TNIK: variants seen among roughly 807,000 people sequenced by gnomAD.
TNIK encodes the protein TRAF2 and NCK-interacting protein kinase.
Under a neutral mutation model 191.3 loss-of-function variants are expected in TNIK, and 49 were observed. The ratio of observed to expected loss-of-function variants is 0.26; its 90% CI spans 0.20 to 0.32. TNIK has a LOEUF of 0.32. TNIK is among the 10% of genes least tolerant of loss of function. The pLI, the probability that TNIK is intolerant of heterozygous loss-of-function variation, is 1.00. For missense variants in TNIK, 1,155 were observed against 1,702.3 expected (o/e 0.68, Z 5.66); for synonymous variants, 594 against 600.9 (o/e 0.99, Z 0.17).
chr3:171,442,034 A>T lies in TNIK; in HGVS notation c.57+17973T>A, dbSNP rs7638247. 9.9e-3 allele frequency among the ~76,000 whole-genome samples: 1,503 copies of T among 152,316 alleles called. 31 individuals carry two copies. The highest frequency in any genetic ancestry group is 0.034 in the African/African-American group (1,395 of 41,560). The stretch of plus-strand genomic sequence containing the variant: ...ACTAAACAACCAAGTAAATATAATG[A>T]TCATAGAAATTTTAACCAGAATATT... On this transcript the variant is annotated intron_variant, in intron 1 of 32. Coordinates refer to ENST00000436636, the MANE Select transcript of TNIK (RefSeq NM_015028.4).
intron 2 of TNIK, among the ~76,000 whole-genome samples, chr3:171,345,441 T>A (rs1712005708): frequency 6.6e-6 from 1 of 152,148 alleles, no homozygotes; most frequent in Admixed American, 6.6e-5. Flanking sequence ...CGAGTTTTTT[T>A]TTTTTCTTTA....
At chr3:171,342,347 G>A (rs1261029097) in intron 2 of TNIK, among the ~76,000 whole-genome samples, 1 of 152,200 alleles carries the variant, frequency 6.6e-6, no homozygotes, top group Non-Finnish European at 1.5e-5. Flanking sequence ...AGATTAAATT[G>A]TGAAACAACC....
intron 2 of TNIK, among the ~76,000 whole-genome samples, chr3:171,309,364 A>T (rs4894792): frequency 0.031 from 4,644 of 152,218 alleles, 118 homozygotes; most frequent in Admixed American, 0.048. Context: ...GTACACCTGG[A>T]CACAAAGAAG....
chr3:171,128,887 CAAAAA>C lies in TNIK; in HGVS notation c.1609-14_1609-10del, dbSNP rs59293515. The C allele has an allele frequency of 9.3e-4, 1,150 of 1,241,186 alleles. No individual in the cohort carries two copies. Among genetic ancestry groups the C allele is most frequent in the South Asian group, 2.9e-3 (134 of 45,948 alleles). The allele number at this position is 1,241,186 out of a possible 1,614,324, so 76.9% of individuals were successfully genotyped here. A position where few individuals can be genotyped will look rare whatever the true frequency, so the allele number is the denominator to read the frequency against. On this transcript the variant is annotated splice_polypyrimidine_tract_variant and intron_variant, in intron 15 of 32. Coordinates refer to ENST00000436636, the MANE Select transcript of TNIK (RefSeq NM_015028.4). ...CTTGACCGTTCTTCTACCTACAACC[CAAAAA>C]AAAAAAAAAAAAAAAGACAGCCTCA...
intron 2 of TNIK, among the ~76,000 whole-genome samples, chr3:171,365,428 C>G (rs1245408588): frequency 1.3e-5 from 2 of 151,938 alleles, no homozygotes; most frequent in Non-Finnish European, 2.9e-5. Context: ...GTGATCTGCC[C>G]ACCTCAGCCT....
At chr3:171,188,525 T>C (rs1737645582) in intron 7 of TNIK, among the ~76,000 whole-genome samples, 177 bp downstream of exon 7, 2 of 152,332 alleles carry the variant, frequency 1.3e-5, no homozygotes. Context: ...TCAGATAAGA[T>C]GGGTGAATTC....
Position 171,061,283 on chromosome 3 carries a change from T to A in TNIK, c.*2598A>T, listed in dbSNP as rs904760970. 4 of 152,344 alleles carry A rather than the reference T, an allele frequency of 2.6e-5. No individual in the cohort carries two copies. Among genetic ancestry groups the A allele is most frequent in the African/African-American group, 9.6e-5 (4 of 41,588 alleles). The allele number at this position is 152,344 out of a possible 1,614,324, so 9.4% of individuals were successfully genotyped here. On this transcript the variant is annotated 3_prime_UTR_variant, in exon 33 of 33. Transcript: ENST00000436636. ...GATTTCTGGGGGGCCCATTTAAATTTGGATTTGCCTTGTACTCAGTGTAAA... is the reference window on the plus strand; with the variant it reads ...GATTTCTGGGGGGCCCATTTAAATTAGGATTTGCCTTGTACTCAGTGTAAA...
At chr3:171,448,098 T>C (rs1727725979) in intron 1 of TNIK, among the ~76,000 whole-genome samples, 1 of 152,162 alleles carries the variant, frequency 6.6e-6, no homozygotes, top group Non-Finnish European at 1.5e-5. Context: ...TGAAACAGGA[T>C]TCATTATGGG....
At chr3:171,207,094 T>C (rs1740188364) in intron 4 of TNIK, among the ~76,000 whole-genome samples, 1 of 151,996 alleles carries the variant, frequency 6.6e-6, no homozygotes, top group Non-Finnish European at 1.5e-5. Context: ...AACTATAAAA[T>C]AGCTATCATT....
intron 7 of TNIK, among the ~76,000 whole-genome samples, chr3:171,185,574 G>GC (rs1407972162): frequency 7.2e-5 from 11 of 152,166 alleles, no homozygotes; most frequent in African/African-American, 2.4e-4. Flanking sequence ...CCAGGGGAAA[G>GC]CCAGCACACC....
intron 2 of TNIK, among the ~76,000 whole-genome samples, chr3:171,316,954 ATAAAATATATAATTATATGATATATAT>A (rs1754683546): frequency 2.3e-5 from 2 of 85,770 alleles, no homozygotes; most frequent in African/African-American, 8.3e-5. Flanking sequence ...TATATATCAT[ATAAAATATATAATTATATGATATATAT>A]CATATAAAAT....
At chr3:171,324,827 G>A (rs1010624017) in intron 2 of TNIK, among the ~76,000 whole-genome samples, 6 of 152,096 alleles carry the variant, frequency 3.9e-5, no homozygotes, top group East Asian at 1.9e-4. Context: ...GGCCGGGCGC[G>A]GTGGCTCACG....
At chr3:171,354,316 GAGA>G (rs1198183123) in intron 2 of TNIK, among the ~76,000 whole-genome samples, 1 of 152,156 alleles carries the variant, frequency 6.6e-6, no homozygotes, top group African/African-American at 2.4e-5. Context: ...ACCAGCCACG[GAGA>G]AGTAGTTGAG....
At chr3:171,064,972 A>C (rs1560061714) in intron 32 of TNIK, among the ~76,000 whole-genome samples, 1 of 152,236 alleles carries the variant, frequency 6.6e-6, no homozygotes, top group Admixed American at 6.5e-5. Flanking sequence ...GGAGAAGGAC[A>C]GAGAGGGCCT....
intron 2 of TNIK, among the ~76,000 whole-genome samples, chr3:171,266,901 G>A (rs1748470522): frequency 1.3e-5 from 2 of 152,178 alleles, no homozygotes; most frequent in Non-Finnish European, 2.9e-5. Flanking sequence ...CTCAGAGTCT[G>A]TTCAGAACAG....
chr3:171,383,928 A>T (rs2108527026), intron 1 of TNIK, among the ~76,000 whole-genome samples: 1 of 152,160 alleles, frequency 6.6e-6, no homozygotes, highest in Admixed American at 6.5e-5. Context: ...TCCCCGGTCT[A>T]CTCTGCTCTC....
intron 1 of TNIK, among the ~76,000 whole-genome samples, chr3:171,438,180 A>G (rs1726259622): frequency 6.6e-6 from 1 of 152,222 alleles, no homozygotes; most frequent in Non-Finnish European, 1.5e-5. Context: ...GAGATAGAAG[A>G]GCAATGAGTA....
In TNIK at chr3:171,110,729, G is replaced by A. The variant is rs772569718; in HGVS notation, c.2269C>T (p.Arg757Cys). Residue 757 changes from arginine to cysteine, a missense_variant, in exon 19 of 33, where the codon CGC becomes TGC. Around this residue, in one of 3 missense-constraint regions of TNIK, gnomAD observed 735 missense variants for 848.0 expected, o/e 0.87. Coordinates refer to ENST00000436636, the MANE Select transcript of TNIK (RefSeq NM_015028.4). ...AAAGTTTTACCTCGAACTCTGGTGC[G>A]TTCACTGGATCCTGCTTGTGATCCA... ...QPGSQAGSSE[R>C]TRVRANSKSE... is the part of the protein sequence containing the mutation. The A allele has an allele frequency of 3.1e-6, 5 of 1,596,974 alleles. No individual in the cohort carries two copies. Among genetic ancestry groups the A allele is most frequent in the East Asian group, 2.3e-5 (1 of 44,330 alleles).
intron 2 of TNIK, among the ~76,000 whole-genome samples, chr3:171,339,645 G>A (rs75008978): frequency 0.027 from 4,143 of 152,282 alleles, 200 homozygotes; most frequent in African/African-American, 0.094. Context: ...GCTGGCTGAT[G>A]GCCAGGCTGC....
Sources: gnomAD v4.1 joint callset for allele counts (sites outside exome capture counted in the v4.1 genomes callset) on GRCh38, gnomAD v4.1.1 for gene constraint, gnomAD v4.1.1 regional missense constraint, MANE v1.5 for transcripts, NCBI Gene and HGNC (gene_info 2026-07-23, HGNC 2026-07-21) for gene names.